LAMTOR3: variants seen among roughly 807,000 people sequenced by gnomAD.
LAMTOR3 encodes the protein ragulator complex protein LAMTOR3.
Under a neutral mutation model 20.3 loss-of-function variants are expected in LAMTOR3, and 14 were observed. The observed-to-expected ratio is 0.69, with a 90% confidence interval of 0.46 to 1.08. LAMTOR3 has a LOEUF of 1.08. Ranked by LOEUF, LAMTOR3 falls within the 50% of genes least tolerant of loss-of-function variation. The probability of loss-of-function intolerance (pLI) is 0.00; values close to 1 mark genes in which losing one functional copy is unlikely to be tolerated. For synonymous variants in LAMTOR3, 40 were observed against 49.4 expected (o/e 0.81, Z 0.80); for missense variants, 125 against 143.7 (o/e 0.87, Z 0.67).
rs555682828 is a variant in LAMTOR3, at chr4:99,893,958, C to T, written c.6G>A (p.Ala2=). Residue 2 remains alanine, a synonymous_variant, in exon 2 of 7, where the codon GCG becomes GCA. Coordinates refer to ENST00000499666, the MANE Select transcript of LAMTOR3 (RefSeq NM_021970.4). ...CTTATGTAGGGGTGTCACTCACATC[C>T]GCCATGATGAACCCCCTTCTCTCGC... M[A]DDLKRFLYKK... The T allele has an allele frequency of 1.2e-5, 18 of 1,545,358 alleles. No individual in the cohort carries two copies. Among genetic ancestry groups the T allele is most frequent in the Admixed American group, 7.3e-5 (4 of 54,558 alleles).
chr4:99,892,688 T>TTC (rs1178498813), intron 2 of LAMTOR3, among the ~76,000 whole-genome samples: 1 of 151,854 alleles, frequency 6.6e-6, no homozygotes, highest in African/African-American at 2.4e-5. Flanking sequence ...ACATTTTTTT[T>TTC]TTTTTTTGAG....
chr4:99,891,503 T>C (rs565907126), intron 3 of LAMTOR3, among the ~76,000 whole-genome samples: 3 of 152,334 alleles, frequency 2.0e-5, no homozygotes, highest in South Asian at 4.1e-4. Flanking sequence ...ATCATTTCTT[T>C]CAAAGTATGT....
At position 99,878,639 on chromosome 4, in the gene LAMTOR3, A is replaced by G. The variant is rs1306955636; in HGVS notation, c.*3355T>C. Reference sequence around the variant, plus strand: ...TCTTATACATCAATTGTAGCATGCCATACAGTTTGACACCATGCTTTTCTC... The same window carrying G: ...TCTTATACATCAATTGTAGCATGCCGTACAGTTTGACACCATGCTTTTCTC... On this transcript the variant is annotated 3_prime_UTR_variant, in exon 7 of 7. Coordinates refer to ENST00000499666, the MANE Select transcript of LAMTOR3 (RefSeq NM_021970.4). 2 of 152,222 alleles carry G rather than the reference A, an allele frequency of 1.3e-5. No individual in the cohort carries two copies. Among genetic ancestry groups the G allele is most frequent in the Admixed American group, 1.3e-4 (2 of 15,286 alleles). The allele number at this position is 152,222 out of a possible 1,614,324, so 9.4% of individuals were successfully genotyped here.
At chr4:99,882,528 T>C (rs944040867) in intron 6 of LAMTOR3, among the ~76,000 whole-genome samples, 5 of 152,104 alleles carry the variant, frequency 3.3e-5, no homozygotes, top group Non-Finnish European at 7.4e-5. Flanking sequence ...ACTTATATAT[T>C]AGGAAATACA....
At chr4:99,885,803 A>C in intron 4 of LAMTOR3, 128 bp from the exon 5 acceptor site, 2 of 749,218 alleles carry the variant, frequency 2.7e-6, no homozygotes. Flanking sequence ...ATTGAAAATC[A>C]TATCACTAAT....
chr4:99,885,526 A>G lies in LAMTOR3; in HGVS notation c.237+16T>C. 1 of 1,573,594 alleles carries G rather than the reference A, an allele frequency of 6.4e-7. No individual in the cohort carries two copies. Among genetic ancestry groups the G allele is most frequent in the South Asian group, 1.2e-5 (1 of 84,646 alleles). ...ACAACTGAAATCAGCAAATCATTTT[A>G]TAATTATGAACTTACCTGGTAGGTG... is the stretch of plus-strand genomic sequence containing the variant. On this transcript the variant is annotated intron_variant, in intron 5 of 6. Coordinates refer to ENST00000499666, the MANE Select transcript of LAMTOR3 (RefSeq NM_021970.4).
At chr4:99,892,891 G>C (rs1725048565) in intron 2 of LAMTOR3, among the ~76,000 whole-genome samples, 1 of 152,134 alleles carries the variant, frequency 6.6e-6, no homozygotes. Flanking sequence ...TGTTGGCCAG[G>C]CTGGTCTCGA....
intron 4 of LAMTOR3, 128 bp from the exon 5 acceptor site, chr4:99,885,803 A>G (rs1724913505): frequency 4.0e-6 from 3 of 749,218 alleles, no homozygotes; most frequent in Non-Finnish European, 4.3e-6. Flanking sequence ...ATTGAAAATC[A>G]TATCACTAAT....
chr4:99,889,128 C>T (rs1365127412), intron 3 of LAMTOR3, among the ~76,000 whole-genome samples: 1 of 152,142 alleles, frequency 6.6e-6, no homozygotes, highest in Admixed American at 6.5e-5. Flanking sequence ...TCGATTGAAC[C>T]TGGGTTGCAG....
chr4:99,883,481 G>A lies in LAMTOR3; in HGVS notation c.301+581C>T, dbSNP rs138810049. Reference sequence around the variant, plus strand: ...CACATAAATATCCAGTGAAGGTATTGGATACAATGGAATTTTACTATTCTC... The same window carrying A: ...CACATAAATATCCAGTGAAGGTATTAGATACAATGGAATTTTACTATTCTC... On this transcript the variant is annotated intron_variant, in intron 6 of 6. Coordinates refer to ENST00000499666, the MANE Select transcript of LAMTOR3 (RefSeq NM_021970.4). Among the ~76,000 whole-genome samples, 59 of 152,076 alleles carry A rather than the reference G, an allele frequency of 3.9e-4. No individual in the cohort carries two copies. The Middle Eastern group carries it at 0.014, about 35-fold the overall frequency.
chr4:99,885,748 A>G (rs1269103225), intron 4 of LAMTOR3, 73 bp from the exon 5 acceptor site: 73 of 1,270,270 alleles, frequency 5.7e-5, no homozygotes, highest in Non-Finnish European at 7.7e-5. Context: ...CTTTTTTTTC[A>G]TAAACCTCTT....
chr4:99,886,357 T>A (rs775766655), intron 4 of LAMTOR3, among the ~76,000 whole-genome samples: 16 of 152,238 alleles, frequency 1.1e-4, no homozygotes, highest in Non-Finnish European at 1.5e-4. Context: ...ATTACTGTTT[T>A]GTTACTGACT....
chr4:99,882,222 C>T (rs1448218255), intron 6 of LAMTOR3, among the ~76,000 whole-genome samples, 155 bp from the exon 7 acceptor site: 2 of 152,088 alleles, frequency 1.3e-5, no homozygotes, highest in Admixed American at 6.6e-5. Context: ...TTGAATATCC[C>T]TTATCCAAAA....
rs1724833187 is a variant in LAMTOR3 at position 99,881,859 on chromosome 4, G to T, written c.*135C>A. 5 of 649,340 alleles carry T rather than the reference G, an allele frequency of 7.7e-6. No homozygotes were observed. The highest frequency in any genetic ancestry group is 1.4e-5 in the Non-Finnish European group (5 of 365,438). The allele number at this position is 649,340 out of a possible 1,614,324, so 40.2% of individuals were successfully genotyped here. A position where few individuals can be genotyped will look rare whatever the true frequency, so the allele number is the denominator to read the frequency against. On this transcript the variant is annotated 3_prime_UTR_variant, in exon 7 of 7. Coordinates refer to ENST00000499666, the MANE Select transcript of LAMTOR3 (RefSeq NM_021970.4). ...ATCTATAAATTACATCTATATGCTA[G>T]CTCTTTAGTATAAGTTGGAAAAAGG...
At position 99,892,005 on chromosome 4, in the gene LAMTOR3, T is replaced by TA. The variant is rs1725030876; in HGVS notation, c.38dup (p.Leu13PhefsTer5). The TA allele has an allele frequency of 6.4e-7, 1 of 1,568,596 alleles. No individual in the cohort carries two copies. The highest frequency in any genetic ancestry group is 1.4e-5 in the African/African-American group (1 of 71,510). On this transcript the variant is annotated frameshift_variant, in exon 3 of 7. Coordinates refer to ENST00000499666, the MANE Select transcript of LAMTOR3 (RefSeq NM_021970.4). LOFTEE classifies it high-confidence loss of function. ...ACAAATTAAAAATTTCTTACCTTGGTAACTTTTTATACAAGAATCGCTTTA... is the reference window on the plus strand; with the variant it reads ...ACAAATTAAAAATTTCTTACCTTGGTAAACTTTTTATACAAGAATCGCTTTA...
Position 99,892,003 on chromosome 4 carries a change from G to T in LAMTOR3, c.41C>A (p.Pro14Gln). The T allele has an allele frequency of 6.4e-7, 1 of 1,566,156 alleles. No individual in the cohort carries two copies. Among genetic ancestry groups the T allele is most frequent in the South Asian group, 1.2e-5 (1 of 83,110 alleles). Residue 14 changes from proline (P) to glutamine (Q), a missense_variant, in exon 3 of 7, where the codon CCA becomes CAA. Physicochemically the swap from Pro to Gln is moderately conservative, Grantham distance 76 (BLOSUM62 -1). Around this residue, in one of 3 missense-constraint regions of LAMTOR3, gnomAD observed 99 missense variants for 96.0 expected, o/e 1.03. Transcript: ENST00000499666. ...DLKRFLYKKL[P>Q]SVEGLHAIVV... ...TAACAAATTAAAAATTTCTTACCTTGGTAACTTTTTATACAAGAATCGCTT... is the reference window on the plus strand; with the variant it reads ...TAACAAATTAAAAATTTCTTACCTTTGTAACTTTTTATACAAGAATCGCTT...
chr4:99,883,174 T>C (rs537702301), intron 6 of LAMTOR3, among the ~76,000 whole-genome samples: 2 of 152,192 alleles, frequency 1.3e-5, no homozygotes, highest in South Asian at 4.1e-4. Context: ...AAAGTGTTTT[T>C]ACATACAGTA....
chr4:99,886,923 T>C (rs985787987), intron 4 of LAMTOR3, among the ~76,000 whole-genome samples: 1 of 152,008 alleles, frequency 6.6e-6, no homozygotes. Context: ...GTGGTATGTA[T>C]ATATATACAC....
chr4:99,885,751 A>C (rs917757417), intron 4 of LAMTOR3, 76 bp from the exon 5 acceptor site: 27 of 1,251,846 alleles, frequency 2.2e-5, no homozygotes, highest in Non-Finnish European at 2.7e-5. Context: ...TTTTTTCATA[A>C]ACCTCTTTTT....
Sources: gnomAD v4.1 joint callset for allele counts (sites outside exome capture counted in the v4.1 genomes callset) on GRCh38, gnomAD v4.1.1 for gene constraint, gnomAD v4.1.1 regional missense constraint, MANE v1.5 for transcripts, NCBI Gene and HGNC (gene_info 2026-07-23, HGNC 2026-07-21) for gene names.